NOX3: variants seen among roughly 807,000 people sequenced by gnomAD.
NOX3 encodes NADPH oxidase 3, also known as NADPH oxidase catalytic subunit-like 3.
In NOX3, 74 loss-of-function variants were observed where a neutral mutation model predicts 76.7. That is an observed-to-expected ratio of 0.96 (90% CI 0.80 to 1.17). The LOEUF is 1.17. Among genes scored for constraint, NOX3 ranks in the 50% most tolerant of loss-of-function variants. The pLI is 0.00. For synonymous variants in NOX3, 263 were observed against 261.1 expected, an observed-to-expected ratio of 1.01 and a Z score of -0.07; for missense variants, 695 against 703.3, an observed-to-expected ratio of 0.99 and a Z score of 0.13.
intron 4 of NOX3, among the ~76,000 whole-genome samples, 178 bp downstream of exon 4, chr6:155,453,224 GTA>G (rs1482763755): frequency 1.3e-4 from 20 of 152,266 alleles, no homozygotes; most frequent in Non-Finnish European, 2.4e-4. Context: ...AGGGGAAAAC[GTA>G]TAGGTAAGTA....
At chr6:155,406,998 T>C (rs74986878) in intron 12 of NOX3, 132 bp downstream of exon 12, 29,115 of 952,774 alleles carry the variant, frequency 0.031, 834 homozygotes, top group East Asian at 0.13. Flanking sequence ...ATACCATTGA[T>C]CACCTTTTCT....
At chr6:155,420,176 G>C (rs1187035414) in intron 10 of NOX3, among the ~76,000 whole-genome samples, 10 of 152,202 alleles carry the variant, frequency 6.6e-5, no homozygotes, top group African/African-American at 2.4e-4. Flanking sequence ...GAGGTTAAGA[G>C]AAGGGGGAGG....
intron 12 of NOX3, among the ~76,000 whole-genome samples, chr6:155,403,615 C>T (rs776543839): frequency 1.3e-5 from 2 of 152,148 alleles, no homozygotes; most frequent in African/African-American, 2.4e-5. Flanking sequence ...GCATTAAGTA[C>T]GTTTCCGCAC....
At chr6:155,427,028 T>TGTGC in intron 9 of NOX3, among the ~76,000 whole-genome samples, 2 of 121,790 alleles carry the variant, frequency 1.6e-5, no homozygotes, top group African/African-American at 6.6e-5. Context: ...TGTGTGTGTG[T>TGTGC]GCTGGGGGGG....
At chr6:155,444,488 G>A (rs1777035004) in intron 4 of NOX3, among the ~76,000 whole-genome samples, 1 of 152,150 alleles carries the variant, frequency 6.6e-6, no homozygotes, top group South Asian at 2.1e-4. Context: ...CTACACCAAA[G>A]GGAAGCCATC....
intron 4 of NOX3, among the ~76,000 whole-genome samples, chr6:155,450,874 G>A (rs1777125677): frequency 6.6e-6 from 1 of 152,142 alleles, no homozygotes; most frequent in Non-Finnish European, 1.5e-5. Context: ...TCAGGCTAAG[G>A]GCTTTGGATT....
chr6:155,415,374 C>T (rs935284613), intron 10 of NOX3, among the ~76,000 whole-genome samples: 1 of 152,110 alleles, frequency 6.6e-6, no homozygotes. Context: ...AAACTTGTGC[C>T]GTATCTTGAA....
chr6:155,420,649 T>C (rs1776677706), intron 10 of NOX3, among the ~76,000 whole-genome samples: 1 of 152,176 alleles, frequency 6.6e-6, no homozygotes, highest in Non-Finnish European at 1.5e-5. Flanking sequence ...GAGCATTTAG[T>C]AAAATGACTG....
chr6:155,433,461 T>C (rs1219537216), intron 7 of NOX3, among the ~76,000 whole-genome samples: 2 of 152,232 alleles, frequency 1.3e-5, no homozygotes, highest in African/African-American at 2.4e-5. Flanking sequence ...ATTCTGGCCT[T>C]GGGGCCACCA....
intron 12 of NOX3, among the ~76,000 whole-genome samples, chr6:155,400,723 T>C (rs184508215): frequency 3.3e-5 from 5 of 152,182 alleles, no homozygotes; most frequent in African/African-American, 7.2e-5. Flanking sequence ...AATTACTCAG[T>C]TGCTCATGAG....
chr6:155,431,408 A>G (rs1776830681), intron 7 of NOX3, among the ~76,000 whole-genome samples: 1 of 102,536 alleles, frequency 9.8e-6, no homozygotes, highest in African/African-American at 4.6e-5. Context: ...CTGAATAAAC[A>G]CAGAAACACA....
At chr6:155,450,839 C>T (rs1311146415) in intron 4 of NOX3, among the ~76,000 whole-genome samples, 3 of 152,098 alleles carry the variant, frequency 2.0e-5, no homozygotes, top group Admixed American at 6.5e-5. Context: ...GCAGGGGGCA[C>T]ATGCATGGTC....
chr6:155,455,675 T>C, intron 1 of NOX3, 78 bp downstream of exon 1: 1 of 1,131,238 alleles, frequency 8.8e-7, no homozygotes, highest in Non-Finnish European at 1.3e-6. Context: ...CTATTTAGCG[T>C]TCCTATACAA....
At chr6:155,417,306 A>C (rs1776633630) in intron 10 of NOX3, among the ~76,000 whole-genome samples, 1 of 152,182 alleles carries the variant, frequency 6.6e-6, no homozygotes, top group Admixed American at 6.5e-5. Context: ...AGACATATTC[A>C]ACTGTTTAAT....
chr6:155,435,651 C>T (rs1220968875), intron 7 of NOX3, among the ~76,000 whole-genome samples: 1 of 152,030 alleles, frequency 6.6e-6, no homozygotes, highest in Non-Finnish European at 1.5e-5. Flanking sequence ...TTTTTGGACA[C>T]TTATTTCCTC....
intron 10 of NOX3, among the ~76,000 whole-genome samples, chr6:155,418,573 T>TC (rs1776649551): frequency 1.5e-5 from 2 of 137,564 alleles, no homozygotes; most frequent in Non-Finnish European, 1.6e-5. Flanking sequence ...TTCTTCCCCC[T>TC]CCCCTTCCAC....
intron 5 of NOX3, among the ~76,000 whole-genome samples, chr6:155,442,519 A>G (rs1777007231): frequency 6.6e-6 from 1 of 152,224 alleles, no homozygotes; most frequent in South Asian, 2.1e-4. Context: ...TTCTTGGGCA[A>G]TAAAGATATT....
chr6:155,444,853 T>C (rs1216619559), intron 4 of NOX3, among the ~76,000 whole-genome samples: 2 of 152,208 alleles, frequency 1.3e-5, no homozygotes, highest in South Asian at 2.1e-4. Flanking sequence ...GACTACTCTA[T>C]ATGTATATAT....
At chr6:155,428,758 T>G in intron 9 of NOX3, 36 bp downstream of exon 9, 1 of 1,463,738 alleles carries the variant, frequency 6.8e-7, no homozygotes, top group East Asian at 2.3e-5. Context: ...CTTTTTATAA[T>G]ACTGCAATTT....
Sources: allele counts gnomAD v4.1 joint callset (sites outside exome capture counted in the v4.1 genomes callset), GRCh38; gene constraint gnomAD v4.1.1; transcripts MANE v1.5; gene names NCBI Gene and HGNC (gene_info 2026-07-23, HGNC 2026-07-21).